The following PPP4R3B variants were observed in gnomAD, a reference collection of about 807,000 sequenced individuals.
The protein encoded by PPP4R3B is protein phosphatase 4 regulatory subunit 3B.
Under a neutral mutation model 95.4 loss-of-function variants are expected in PPP4R3B, and 52 were observed. The ratio of observed to expected loss-of-function variants is 0.54; its 90% CI spans 0.44 to 0.69. The LOEUF is 0.69. Ranked by LOEUF, PPP4R3B falls within the 30% of genes least tolerant of loss-of-function variation. PPP4R3B has a pLI of 0.00. For missense variants in PPP4R3B, 1,003 were observed against 1,005.9 expected, an observed-to-expected ratio of 1.00 and a Z score of 0.04; for synonymous variants, 407 against 343.9, an observed-to-expected ratio of 1.18 and a Z score of -2.03.
In PPP4R3B at chr2:55,564,374, T is replaced by C. The variant is rs1418970358; in HGVS notation, c.2199A>G (p.Glu733=). 2 of 1,613,926 alleles carry C rather than the reference T, an allele frequency of 1.2e-6. No individual in the cohort carries two copies. The highest frequency in any genetic ancestry group is 1.7e-5 in the Admixed American group (1 of 60,014). ...GAAAATCATCTTCTGGCTTAGGTTT[T>C]TCCACTGGTGCCACAACTGCTTTTC... ...EEGKAVVAPV[E]KPKPEDDFPD... Residue 733 remains glutamate (E), a synonymous_variant, in exon 15 of 17, where the codon GAA becomes GAG. Coordinates refer to ENST00000616407, the MANE Select transcript of PPP4R3B (RefSeq NM_001122964.3).
At chr2:55,617,120 A>G (rs779423479) in intron 1 of PPP4R3B, 24 bp downstream of exon 1, 12 of 1,599,124 alleles carry the variant, frequency 7.5e-6, no homozygotes, top group African/African-American at 2.7e-5. Flanking sequence ...ACTATCCCCT[A>G]TTCTACAGTT....
chr2:55,592,436 G>C (rs981748302), intron 4 of PPP4R3B, among the ~76,000 whole-genome samples: 2 of 152,032 alleles, frequency 1.3e-5, no homozygotes, highest in African/African-American at 4.8e-5. Flanking sequence ...GCCAAATCTA[G>C]TAAGATAAAA....
At chr2:55,576,210 G>A (rs372183637) in intron 11 of PPP4R3B, among the ~76,000 whole-genome samples, 11 of 152,116 alleles carry the variant, frequency 7.2e-5, no homozygotes, top group African/African-American at 1.9e-4. Flanking sequence ...TTAGTTGGGC[G>A]TGGTGGTGCA....
intron 10 of PPP4R3B, among the ~76,000 whole-genome samples, chr2:55,577,993 G>A (rs553327843): frequency 1.7e-4 from 26 of 152,180 alleles, no homozygotes; most frequent in Admixed American, 1.0e-3. Context: ...CTGAATTACA[G>A]CATCCTCATA....
At chr2:55,601,711 C>G (rs533956228) in intron 3 of PPP4R3B, among the ~76,000 whole-genome samples, 1 of 152,264 alleles carries the variant, frequency 6.6e-6, no homozygotes, top group Admixed American at 6.5e-5. Context: ...ACGTGGGATT[C>G]TAGTAATGTG....
At chr2:55,571,403 G>T (rs1342958660) in intron 12 of PPP4R3B, among the ~76,000 whole-genome samples, 1 of 151,974 alleles carries the variant, frequency 6.6e-6, no homozygotes, top group Admixed American at 6.6e-5. Context: ...AGCCAAATAG[G>T]AAAATCTGTC....
At chr2:55,608,796 C>G (rs181054319) in intron 2 of PPP4R3B, among the ~76,000 whole-genome samples, 23 of 152,144 alleles carry the variant, frequency 1.5e-4, no homozygotes, top group Admixed American at 2.0e-4. Context: ...CCAGCCTGGG[C>G]ATCATAGTGA....
rs1287228841 is a variant in PPP4R3B at position 55,555,241 on chromosome 2, C to T, written c.2454+3534G>A. On this transcript the variant is annotated intron_variant, in intron 16 of 16. Coordinates refer to ENST00000616407, the MANE Select transcript of PPP4R3B (RefSeq NM_001122964.3). The stretch of plus-strand genomic sequence containing the variant: ...CTTGCAGTGAGCCAAGATTGCGCCA[C>T]CGCACTCCAGCCTGGGCAACAGAAC... 2.0e-5 allele frequency among the ~76,000 whole-genome samples: 3 copies of T among 146,770 alleles called. No individual in the cohort carries two copies. The East Asian group carries it at 6.0e-4, about 29-fold the overall frequency.
intron 9 of PPP4R3B, 44 bp from the exon 10 acceptor site, chr2:55,578,386 G>C (rs1406402929): frequency 7.9e-7 from 1 of 1,273,080 alleles, no homozygotes. Flanking sequence ...AGCCAACAGG[G>C]AGTATATGAG....
At chr2:55,581,466 A>G (rs1331060990) in intron 8 of PPP4R3B, 101 bp downstream of exon 8, 4 of 1,264,320 alleles carry the variant, frequency 3.2e-6, no homozygotes, top group Non-Finnish European at 4.3e-6. Flanking sequence ...CTTAAATACC[A>G]ACTGGACAAA....
At chr2:55,601,178 G>T (rs533447177) in intron 3 of PPP4R3B, among the ~76,000 whole-genome samples, 45 of 144,294 alleles carry the variant, frequency 3.1e-4, no homozygotes, top group African/African-American at 1.1e-3. Context: ...GATGCCTCAA[G>T]AAAGGCTGAA....
At chr2:55,598,300 A>G in intron 4 of PPP4R3B, 116 bp downstream of exon 4, 1 of 1,037,826 alleles carries the variant, frequency 9.6e-7, no homozygotes, top group African/African-American at 1.6e-5. Context: ...TGTACTTAAT[A>G]GTACATTTAA....
At chr2:55,564,189 C>G (rs1686988276) in intron 15 of PPP4R3B, 124 bp downstream of exon 15, 2 of 682,008 alleles carry the variant, frequency 2.9e-6, no homozygotes, top group African/African-American at 3.8e-5. Context: ...TAAAAGAACA[C>G]AGTTTGGTAT....
chr2:55,613,295 A>G (rs922342177), intron 2 of PPP4R3B, among the ~76,000 whole-genome samples: 1 of 151,878 alleles, frequency 6.6e-6, no homozygotes, highest in Non-Finnish European at 1.5e-5. Context: ...ACTCTTCTTC[A>G]GTGTTTCCAT....
In PPP4R3B at chr2:55,549,637, C is replaced by G; in HGVS notation, c.*274G>C. 1 of 387,016 alleles carries G rather than the reference C, an allele frequency of 2.6e-6. No homozygotes were observed. Among genetic ancestry groups the G allele is most frequent in the Non-Finnish European group, 4.6e-6 (1 of 216,302 alleles). The allele number at this position is 387,016 out of a possible 1,614,324, so 24.0% of individuals were successfully genotyped here. A position where few individuals can be genotyped will look rare whatever the true frequency, so the allele number is the denominator to read the frequency against. On this transcript the variant is annotated 3_prime_UTR_variant, in exon 17 of 17. Coordinates refer to ENST00000616407, the MANE Select transcript of PPP4R3B (RefSeq NM_001122964.3). The stretch of plus-strand genomic sequence containing the variant: ...CCCTAAACCGTCCCCAAACCTGTGA[C>G]TTTTCCTTGCTGAGAAGCTGTCTCC...
At chr2:55,597,299 C>A (rs1691926918) in intron 4 of PPP4R3B, among the ~76,000 whole-genome samples, 1 of 151,910 alleles carries the variant, frequency 6.6e-6, no homozygotes, top group Non-Finnish European at 1.5e-5. Context: ...CCAGCCTGAC[C>A]AACATGGAGA....
At chr2:55,614,903 C>A (rs1694685982) in intron 2 of PPP4R3B, 1 of 152,208 alleles carries the variant, frequency 6.6e-6, no homozygotes, top group African/African-American at 2.4e-5. Context: ...ATACAATACA[C>A]ATTTTCTTTC....
intron 5 of PPP4R3B, among the ~76,000 whole-genome samples, chr2:55,587,807 C>G (rs1235590144): frequency 6.6e-6 from 1 of 152,150 alleles, no homozygotes; most frequent in Non-Finnish European, 1.5e-5. Context: ...CAAAACTTCT[C>G]TAGTCTAAAA....
In PPP4R3B at chr2:55,564,490, A is replaced by G. The variant is rs1203639717; in HGVS notation, c.2083T>C (p.Ser695Pro). Residue 695 changes from serine (S) to proline (P), a missense_variant, in exon 15 of 17, where the codon TCT becomes CCT. Transcript: ENST00000616407. Reference protein sequence around the residue: ...RQNQKLNSVPSILRSNRFRRD... With the variant: ...RQNQKLNSVPPILRSNRFRRD... The stretch of plus-strand genomic sequence containing the variant: ...CGAAATCTGTTACTACGCAATATAG[A>G]TGGTACACTGTAAGAAATATATCAC... The G allele has an allele frequency of 6.2e-7, 1 of 1,600,234 alleles. No homozygotes were observed. The highest frequency in any genetic ancestry group is 1.8e-5 in the Admixed American group (1 of 56,350).
Sources: allele counts gnomAD v4.1 joint callset (sites outside exome capture counted in the v4.1 genomes callset), GRCh38; gene constraint gnomAD v4.1.1; transcripts MANE v1.5; gene names NCBI Gene and HGNC (gene_info 2026-07-23, HGNC 2026-07-21).